Variants in DOCK8 observed in about 807,000 individuals in gnomAD.
DOCK8 encodes the protein dedicator of cytokinesis protein 8.
Under a neutral mutation model 245.6 loss-of-function variants are expected in DOCK8, and 141 were observed. The ratio of observed to expected loss-of-function variants is 0.57; its 90% CI spans 0.50 to 0.66. DOCK8 has a LOEUF of 0.66. Among genes scored for constraint, DOCK8 ranks in the 30% least tolerant of loss-of-function variants. DOCK8 has a pLI of 0.00. For missense variants in DOCK8, 2,965 were observed against 2,603.4 expected (o/e 1.14, Z -3.02); for synonymous variants, 1,168 against 970.2 (o/e 1.20, Z -3.79).
intron 1 of DOCK8, among the ~76,000 whole-genome samples, chr9:241,128 C>T (rs780873096): frequency 6.6e-6 from 1 of 152,038 alleles, no homozygotes; most frequent in Non-Finnish European, 1.5e-5. Context: ...TGTACATATT[C>T]ATGGTGGTAC....
chr9:423,621 A>G (rs1419609778), intron 33 of DOCK8, among the ~76,000 whole-genome samples: 2 of 152,316 alleles, frequency 1.3e-5, no homozygotes, highest in East Asian at 3.9e-4. Context: ...AGAAATAAGT[A>G]TATTTTTATT....
intron 1 of DOCK8, among the ~76,000 whole-genome samples, chr9:242,976 A>G (rs1205002439): frequency 2.0e-5 from 3 of 152,178 alleles, no homozygotes; most frequent in African/African-American, 7.2e-5. Context: ...AACTTGGAAT[A>G]TGATTTTAAG....
chr9:297,922 T>C (rs908028407), intron 4 of DOCK8, among the ~76,000 whole-genome samples: 1 of 152,204 alleles, frequency 6.6e-6, no homozygotes, highest in African/African-American at 2.4e-5. Context: ...AGTGTACACA[T>C]TGTGAACTGA....
At chr9:231,095 G>C (rs1450179391) in intron 1 of DOCK8, among the ~76,000 whole-genome samples, 1 of 152,134 alleles carries the variant, frequency 6.6e-6, no homozygotes, top group African/African-American at 2.4e-5. Flanking sequence ...GTAAGGAAGG[G>C]ATCCAGTTTC....
chr9:445,795 A>G (rs893760890), intron 43 of DOCK8, among the ~76,000 whole-genome samples: 10 of 152,202 alleles, frequency 6.6e-5, no homozygotes, highest in African/African-American at 9.6e-5. Flanking sequence ...TTGTATGGAC[A>G]TAAGCTTTCA....
chr9:403,833 C>A (rs1215762050), intron 26 of DOCK8, among the ~76,000 whole-genome samples: 1 of 147,816 alleles, frequency 6.8e-6, no homozygotes, highest in Non-Finnish European at 1.5e-5. Context: ...CCACTGCACT[C>A]CAGTTCAACA....
chr9:446,304 C>T, intron 43 of DOCK8, 66 bp from the exon 44 acceptor site: 5 of 1,334,468 alleles, frequency 3.7e-6, no homozygotes, highest in Non-Finnish European at 4.3e-6. Context: ...CATGCCCCTC[C>T]ATTGCGTCAG....
chr9:246,471 C>T (rs1338877143), intron 1 of DOCK8, among the ~76,000 whole-genome samples: 3 of 151,960 alleles, frequency 2.0e-5, no homozygotes, highest in Non-Finnish European at 2.9e-5. Flanking sequence ...GCTAAGATCG[C>T]ACCACTGCAC....
At chr9:400,030 A>ACC (rs1564011657) in intron 26 of DOCK8, among the ~76,000 whole-genome samples, 72 of 84,046 alleles carry the variant, frequency 8.6e-4, no homozygotes, top group Admixed American at 3.2e-3. Context: ...CACCTCCACC[A>ACC]TCACCACCAC....
At chr9:334,533 G>A in intron 11 of DOCK8, 149 bp downstream of exon 11, 1 of 808,892 alleles carries the variant, frequency 1.2e-6, no homozygotes, top group Non-Finnish European at 1.9e-6. Context: ...TGTTATGACT[G>A]GATTACGTAG....
intron 1 of DOCK8, among the ~76,000 whole-genome samples, chr9:265,508 A>G (rs1250076892): frequency 1.3e-5 from 2 of 152,190 alleles, no homozygotes; most frequent in Non-Finnish European, 2.9e-5. Flanking sequence ...AGAGTAAATT[A>G]TATATTTGCT....
At chr9:415,692 G>GCACACACGCACACACGCACACACACACA (rs1554699022) in intron 29 of DOCK8, among the ~76,000 whole-genome samples, 4 of 150,978 alleles carry the variant, frequency 2.6e-5, no homozygotes, top group East Asian at 2.0e-4. Flanking sequence ...GTGCGCGCGT[G>GCACACACGCACACACGCACACACACACA]CACACACACA....
chr9:317,263 A>T (rs2050387672), intron 7 of DOCK8, 135 bp downstream of exon 7: 2 of 752,904 alleles, frequency 2.7e-6, no homozygotes, highest in Admixed American at 2.0e-5. Context: ...GCTGTGGAGT[A>T]GTAGAAAGGG....
At chr9:229,326 C>T (rs1214001247) in intron 1 of DOCK8, among the ~76,000 whole-genome samples, 2 of 152,156 alleles carry the variant, frequency 1.3e-5, no homozygotes, top group Non-Finnish European at 1.5e-5. Flanking sequence ...ATAAAACTGA[C>T]TCCTTTAAAG....
chr9:339,833 C>T (rs2051494008), intron 13 of DOCK8, among the ~76,000 whole-genome samples: 1 of 152,118 alleles, frequency 6.6e-6, no homozygotes, highest in Non-Finnish European at 1.5e-5. Context: ...TTTTAAAACT[C>T]CCAATTTTTA....
intron 2 of DOCK8, among the ~76,000 whole-genome samples, chr9:278,308 C>G (rs1439043534): frequency 6.6e-6 from 1 of 152,210 alleles, no homozygotes; most frequent in Non-Finnish European, 1.5e-5. Context: ...CCATAAAGTA[C>G]AGAACTTCGA....
intron 4 of DOCK8, among the ~76,000 whole-genome samples, chr9:291,137 C>G (rs2049020993): frequency 6.6e-6 from 1 of 152,034 alleles, no homozygotes; most frequent in Non-Finnish European, 1.5e-5. Context: ...CATTAAAGAT[C>G]TAAAAAAAAT....
At chr9:250,753 AGAAGGTCAAC>A (rs1487719593) in intron 1 of DOCK8, among the ~76,000 whole-genome samples, 1 of 152,234 alleles carries the variant, frequency 6.6e-6, no homozygotes, top group East Asian at 1.9e-4. Flanking sequence ...ATGACGGATT[AGAAGGTCAAC>A]ACTGCCTGAT....
intron 1 of DOCK8, among the ~76,000 whole-genome samples, chr9:240,466 A>T (rs1350251658): frequency 6.6e-6 from 1 of 151,950 alleles, no homozygotes; most frequent in Admixed American, 6.6e-5. Context: ...TTCCAGCTAT[A>T]CCCAACAGGT....
Sources: gnomAD v4.1 joint callset for allele counts (sites outside exome capture counted in the v4.1 genomes callset) on GRCh38, gnomAD v4.1.1 for gene constraint, MANE v1.5 for transcripts, NCBI Gene and HGNC (gene_info 2026-07-23, HGNC 2026-07-21) for gene names.